MGAT5: variants seen among roughly 807,000 people sequenced by gnomAD.
MGAT5 encodes the protein alpha-1,6-mannosylglycoprotein 6-beta-N-acetylglucosaminyltransferase, also known as alpha-1,6-mannosylglycoprotein 6-beta-N-acetylglucosaminyltransferase A.
MGAT5 carries 30 observed loss-of-function variants against 94.3 expected under a neutral mutation model. The observed-to-expected ratio is 0.32, with a 90% CI of 0.24 to 0.43. The LOEUF is 0.43. MGAT5 is among the 20% of genes least tolerant of loss of function. The probability of loss-of-function intolerance (pLI) is 1.00; values close to 1 mark genes in which losing one functional copy is unlikely to be tolerated. For missense variants in MGAT5, 691 were observed against 905.5 expected (o/e 0.76, Z 3.04); for synonymous variants, 310 against 322.9 (o/e 0.96, Z 0.43).
intron 4 of MGAT5, 68 bp from the exon 5 acceptor site, chr2:134,336,149 G>T: frequency 7.8e-7 from 1 of 1,275,514 alleles, no homozygotes; most frequent in Non-Finnish European, 1.1e-6. Flanking sequence ...AGCTGTTCTC[G>T]GTGCTTTTTA....
intron 10 of MGAT5, among the ~76,000 whole-genome samples, 161 bp from the exon 11 acceptor site, chr2:134,402,827 T>C (rs1017660061): frequency 1.3e-5 from 2 of 152,256 alleles, no homozygotes; most frequent in South Asian, 2.1e-4. Context: ...CCAGATTACT[T>C]TTCAAAGAAA....
intron 1 of MGAT5, among the ~76,000 whole-genome samples, chr2:134,166,421 G>A (rs1687967353): frequency 6.6e-6 from 1 of 152,174 alleles, no homozygotes; most frequent in African/African-American, 2.4e-5. Flanking sequence ...GGGTTTCTGG[G>A]CATTTATTTA....
In MGAT5 at chr2:134,254,584, C is replaced by G. The variant is rs781457066; in HGVS notation, c.181C>G (p.Leu61Val). The change falls in exon 1 of 16, where the codon CTG becomes GTG. Residue 61 changes from leucine to valine, a missense_variant. Physicochemically the swap from Leu to Val is conservative, Grantham distance 32 (BLOSUM62 1). This residue lies in a region of MGAT5 where 307 missense variants were observed against 335.4 expected (regional missense o/e 0.92). Coordinates refer to ENST00000281923, the MANE Select transcript of MGAT5 (RefSeq NM_002410.5). ...CCTCAGCAAAAGGTACATCAAGGCA[C>G]TGGCAGAAGAAAACAGGAATGTGGT... ...LDLSKRYIKA[L>V]AEENRNVVDG... The G allele has an allele frequency of 6.2e-7, 1 of 1,614,224 alleles. No homozygotes were observed. Among genetic ancestry groups the G allele is most frequent in the Admixed American group, 1.7e-5 (1 of 60,032 alleles).
At chr2:134,232,430 A>G (rs1681416844) in intron 1 of MGAT5, among the ~76,000 whole-genome samples, 1 of 152,194 alleles carries the variant, frequency 6.6e-6, no homozygotes, top group Non-Finnish European at 1.5e-5. Flanking sequence ...TGTATATCCT[A>G]TTCTGGACCC....
chr2:134,384,214 G>GAA lies in MGAT5; in HGVS notation c.1381-18760_1381-18759dup, dbSNP rs34069237. 4.3e-3 allele frequency among the ~76,000 whole-genome samples: 599 copies of GAA among 137,790 alleles called. 4 individuals are homozygous for GAA. The highest frequency in any genetic ancestry group is 6.3e-3 in the Non-Finnish European group (409 of 65,062). 90.4% of individuals were successfully genotyped at this position (137,790 alleles called of 152,430 possible). A position where few individuals can be genotyped will look rare whatever the true frequency, so the allele number is the denominator to read the frequency against. ...CTAAAATATTTATTATCCGGCCCTTGAAAAAAAAAAAAAAAGTCATCATCC... is the reference window on the plus strand; with the variant it reads ...CTAAAATATTTATTATCCGGCCCTTGAAAAAAAAAAAAAAAAAGTCATCATCC... On this transcript the variant is annotated intron_variant, in intron 10 of 15. Transcript: ENST00000281923.
intron 1 of MGAT5, among the ~76,000 whole-genome samples, chr2:134,244,098 T>C (rs1227034100): frequency 6.6e-6 from 1 of 152,208 alleles, no homozygotes. Flanking sequence ...AAAATTTCTT[T>C]GTGGCTTTAC....
chr2:134,261,641 T>C (rs888713843), intron 1 of MGAT5, among the ~76,000 whole-genome samples: 3 of 152,348 alleles, frequency 2.0e-5, no homozygotes, highest in African/African-American at 4.8e-5. Context: ...TCTCATTCTT[T>C]ATAACACTCA....
chr2:134,256,157 GAGATTCCACTGTGGGAGCTTACACTGAAA>G (rs1424418611), intron 1 of MGAT5, among the ~76,000 whole-genome samples: 1 of 152,150 alleles, frequency 6.6e-6, no homozygotes. Flanking sequence ...TTTAAAAAAT[GAGATTCCACTGTGGGAGCTTACACTGAAA>G]AGTAACTAGG....
At chr2:134,421,933 G>A (rs533932478) in intron 12 of MGAT5, among the ~76,000 whole-genome samples, 97 of 151,810 alleles carry the variant, frequency 6.4e-4, no homozygotes, top group African/African-American at 2.2e-3. Flanking sequence ...TTTGGGAGGC[G>A]GACACAGGAG....
intron 1 of MGAT5, among the ~76,000 whole-genome samples, chr2:134,170,767 A>G (rs1688163779): frequency 6.6e-6 from 1 of 152,122 alleles, no homozygotes; most frequent in Non-Finnish European, 1.5e-5. Flanking sequence ...TTTAATGGAC[A>G]TATTTTTCCC....
intron 14 of MGAT5, among the ~76,000 whole-genome samples, chr2:134,431,520 T>C (rs570118547): frequency 9.2e-5 from 14 of 152,090 alleles, no homozygotes; most frequent in African/African-American, 2.9e-4. Context: ...GTTTTAGAGG[T>C]TGGAGTATTC....
At chr2:134,132,499 A>C (rs1351825589) in intron 1 of MGAT5, among the ~76,000 whole-genome samples, 2 of 152,236 alleles carry the variant, frequency 1.3e-5, no homozygotes, top group East Asian at 3.8e-4. Context: ...AATTTTGGTC[A>C]GAGGTCAGGC....
Position 134,390,362 on chromosome 2 carries a change from GT to G in MGAT5, c.1381-12619del, listed in dbSNP as rs199796265. Among the ~76,000 whole-genome samples the G allele has an allele frequency of 8.0e-3, 1,206 of 151,690 alleles. 66 individuals carry two copies. Among genetic ancestry groups the G allele is most frequent in the Admixed American group, 0.07 (1,074 of 15,238 alleles). ...AGTTACTTTGTTTGTTTGTTTGTTT[GT>G]TTTTTTATTATACTTTTTCTAGGGT... On this transcript the variant is annotated intron_variant, in intron 10 of 15. Coordinates refer to ENST00000281923, the MANE Select transcript of MGAT5 (RefSeq NM_002410.5).
At chr2:134,168,588 G>A (rs1688060029) in intron 1 of MGAT5, among the ~76,000 whole-genome samples, 1 of 152,232 alleles carries the variant, frequency 6.6e-6, no homozygotes, top group Non-Finnish European at 1.5e-5. Context: ...AAAGCCACGT[G>A]AAGCTAGTAT....
chr2:134,159,772 G>A (rs1687646684), intron 1 of MGAT5, among the ~76,000 whole-genome samples: 1 of 152,200 alleles, frequency 6.6e-6, no homozygotes, highest in South Asian at 2.1e-4. Flanking sequence ...AGGTTGCAGT[G>A]AGTGGAGACT....
Position 134,270,490 on chromosome 2 carries a change from T to G in MGAT5, c.346T>G (p.Ser116Ala). Residue 116 changes from serine (S) to alanine (A), a missense_variant, in exon 2 of 16, where the codon TCA becomes GCA. Coordinates refer to ENST00000281923, the MANE Select transcript of MGAT5 (RefSeq NM_002410.5). ...NLVVNGTGTN[S>A]TNSTTAVPSL... ...TGTTGTCAATGGCACCGGAACAAACTCAACCAACTCCACTACAGCTGTTCC... is the reference window on the plus strand; with the variant it reads ...TGTTGTCAATGGCACCGGAACAAACGCAACCAACTCCACTACAGCTGTTCC... 6.2e-7 allele frequency: 1 copy of G among 1,614,194 alleles called. No individual in the cohort carries two copies. The highest frequency in any genetic ancestry group is 1.3e-5 in the African/African-American group (1 of 75,062).
At chr2:134,224,824 A>T (rs1310795666) in intron 1 of MGAT5, among the ~76,000 whole-genome samples, 1 of 152,202 alleles carries the variant, frequency 6.6e-6, no homozygotes, top group Non-Finnish European at 1.5e-5. Flanking sequence ...CATACCTGTT[A>T]TCCCAGCACT....
intron 11 of MGAT5, among the ~76,000 whole-genome samples, chr2:134,411,245 G>A (rs1171058505): frequency 6.6e-6 from 1 of 152,106 alleles, no homozygotes; most frequent in African/African-American, 2.4e-5. Flanking sequence ...GCTTCCTAAT[G>A]GTAGTAGAGC....
chr2:134,420,741 T>C (rs1388608325), intron 12 of MGAT5, among the ~76,000 whole-genome samples: 2 of 152,204 alleles, frequency 1.3e-5, no homozygotes, highest in African/African-American at 4.8e-5. Flanking sequence ...CCTATTGTTA[T>C]AAATATGAGA....
Sources: gnomAD v4.1 joint callset for allele counts (sites outside exome capture counted in the v4.1 genomes callset) on GRCh38, gnomAD v4.1.1 for gene constraint, gnomAD v4.1.1 regional missense constraint, MANE v1.5 for transcripts, NCBI Gene and HGNC (gene_info 2026-07-23, HGNC 2026-07-21) for gene names.